The following CD46 variants were observed in gnomAD, a reference collection of about 807,000 sequenced individuals.
CD46 encodes membrane cofactor protein.
CD46 carries 30 observed loss-of-function variants against 53.3 expected under a neutral mutation model. The ratio of observed to expected loss-of-function variants is 0.56; its 90% confidence interval spans 0.42 to 0.76. CD46 has a LOEUF of 0.76. Ranked by LOEUF, CD46 falls within the 30% of genes least tolerant of loss-of-function variation. CD46 has a pLI of 0.00. For synonymous variants in CD46, 142 were observed against 152.0 expected (o/e 0.93, Z 0.48); for missense variants, 409 against 463.0 (o/e 0.88, Z 1.07).
intron 1 of CD46, among the ~76,000 whole-genome samples, chr1:207,753,537 G>A (rs1370830306): frequency 1.3e-5 from 2 of 152,150 alleles, no homozygotes; most frequent in Non-Finnish European, 2.9e-5. Context: ...TGGGCATGGT[G>A]GTTTATGCCC....
At chr1:207,776,532 A>G (rs1220941139) in intron 8 of CD46, among the ~76,000 whole-genome samples, 1 of 152,266 alleles carries the variant, frequency 6.6e-6, no homozygotes, top group Non-Finnish European at 1.5e-5. Flanking sequence ...TTAAAAACTT[A>G]AGACATATCT....
chr1:207,781,567 T>C (rs1437773372), intron 8 of CD46, among the ~76,000 whole-genome samples: 1 of 152,200 alleles, frequency 6.6e-6, no homozygotes, highest in Admixed American at 6.5e-5. Flanking sequence ...TTACCTCTTA[T>C]GTTTAGGTCT....
chr1:207,776,502 T>C (rs1182492216), intron 8 of CD46, among the ~76,000 whole-genome samples: 1 of 152,254 alleles, frequency 6.6e-6, no homozygotes, highest in Non-Finnish European at 1.5e-5. Context: ...AGATTTTTTT[T>C]TACTTAAAAT....
chr1:207,788,384 G>A (rs1184806064), intron 11 of CD46, among the ~76,000 whole-genome samples: 2 of 150,610 alleles, frequency 1.3e-5, no homozygotes, highest in African/African-American at 4.9e-5. Flanking sequence ...AAAAAATAGT[G>A]GCGGGCGCCT....
chr1:207,752,060 C>A lies in CD46; in HGVS notation c.-153C>A. 1.2e-6 allele frequency: 1 copy of A among 813,964 alleles called. No individual in the cohort carries two copies. Among genetic ancestry groups the A allele is most frequent in the Non-Finnish European group, 2.1e-6 (1 of 479,048 alleles). 50.4% of individuals were successfully genotyped at this position (813,964 alleles called of 1,614,324 possible). ...ACGCACTTCCGCCCCGGGCGCGGCT[C>A]GGGCCACGCCCACCTGTCCTGCAGC... is the stretch of plus-strand genomic sequence containing the variant. On this transcript the variant is annotated 5_prime_UTR_variant, in exon 1 of 13. Coordinates refer to ENST00000367042, the MANE Select transcript of CD46 (RefSeq NM_172351.3). This position sits in a 1 kb window ranked among gnomAD's most constrained non-coding sequence, Gnocchi z 4.1.
At chr1:207,759,498 C>A (rs569983832) in intron 3 of CD46, 141 bp from the exon 4 acceptor site, 2 of 604,006 alleles carry the variant, frequency 3.3e-6, no homozygotes, top group Non-Finnish European at 6.0e-6. Flanking sequence ...TTAGCACTTT[C>A]GTTATATAGT....
At chr1:207,757,386 G>T (rs1270519760) in intron 2 of CD46, among the ~76,000 whole-genome samples, 154 bp from the exon 3 acceptor site, 1 of 152,160 alleles carries the variant, frequency 6.6e-6, no homozygotes, top group Non-Finnish European at 1.5e-5. Context: ...GCAATAGATT[G>T]CCTGGGTGAA....
chr1:207,791,164 C>T (rs1659763179), intron 12 of CD46, among the ~76,000 whole-genome samples: 1 of 152,188 alleles, frequency 6.6e-6, no homozygotes, highest in African/African-American at 2.4e-5. Flanking sequence ...TGGGCCTACC[C>T]AGTCCTATAT....
In CD46 at chr1:207,793,685, C is replaced by CTGTGGCTTAGCTAATATTGCAA. The variant is rs1660010478; in HGVS notation, c.*217_*238dup. On this transcript the variant is annotated 3_prime_UTR_variant, in exon 13 of 13. Transcript: ENST00000367042. ...TGTAGTTTCACTCTCATGAGTGCAA[C>CTGTGGCTTAGCTAATATTGCAA]TGTGGCTTAGCTAATATTGCAATGT... 9.7e-7 allele frequency: 1 copy of CTGTGGCTTAGCTAATATTGCAA among 1,027,754 alleles called. No individual in the cohort carries two copies. The highest frequency in any genetic ancestry group is 1.6e-5 in the African/African-American group (1 of 63,684). The allele number at this position is 1,027,754 out of a possible 1,614,324, so 63.7% of individuals were successfully genotyped here.
intron 5 of CD46, among the ~76,000 whole-genome samples, chr1:207,764,114 C>T (rs1313837214): frequency 6.6e-6 from 1 of 152,072 alleles, no homozygotes; most frequent in Non-Finnish European, 1.5e-5. Flanking sequence ...CTTTAGAGAC[C>T]TCAGATCCCC....
Position 207,767,353 on chromosome 1 carries a change from A to T in CD46, c.856+158A>T, listed in dbSNP as rs1368402824. 6.6e-6 allele frequency: 5 copies of T among 757,282 alleles called. No homozygotes were observed. The East Asian group carries it at 8.0e-5, about 12-fold the overall frequency. 46.9% of individuals were successfully genotyped at this position (757,282 alleles called of 1,614,324 possible). On this transcript the variant is annotated intron_variant, in intron 6 of 12. Transcript: ENST00000367042. The stretch of plus-strand genomic sequence containing the variant: ...CTTGTATTCATTTCTATGCCAGATG[A>T]ATGACACGAAATTCACATAAAATTC...
intron 5 of CD46, 39 bp from the exon 6 acceptor site, chr1:207,766,974 C>G (rs1656918940): frequency 6.6e-7 from 1 of 1,525,708 alleles, no homozygotes. Context: ...TCTGCTAAAG[C>G]AGATATCCAT....
At chr1:207,769,093 A>T (rs1486660171) in intron 7 of CD46, 1 of 152,100 alleles carries the variant, frequency 6.6e-6, no homozygotes, top group Admixed American at 6.6e-5. Flanking sequence ...CCCCATCTCT[A>T]CTAAAAATAC....
intron 8 of CD46, among the ~76,000 whole-genome samples, chr1:207,780,203 A>G (rs1391021489): frequency 6.6e-6 from 1 of 151,606 alleles, no homozygotes; most frequent in Non-Finnish European, 1.5e-5. Context: ...GATGATAACC[A>G]CTATCTACTT....
chr1:207,775,737 T>C (rs534499792), intron 8 of CD46, among the ~76,000 whole-genome samples: 1 of 152,312 alleles, frequency 6.6e-6, no homozygotes, highest in African/African-American at 2.4e-5. Flanking sequence ...TCTGGAAGCT[T>C]CGTCCCAGGT....
chr1:207,770,392 G>C (rs926474497), intron 8 of CD46, 30 bp downstream of exon 8: 7 of 1,447,826 alleles, frequency 4.8e-6, no homozygotes, highest in Non-Finnish European at 6.8e-6. Context: ...TACTGATATT[G>C]TTAAGAATTT....
chr1:207,752,409 T>C lies in CD46; in HGVS notation c.97+100T>C. ...GGGGCTCACAGCAGGCCGTGCCTGT[T>C]TGGGGACAGGGTTCTCTGAGGGGTG... On this transcript the variant is annotated intron_variant, in intron 1 of 12. Coordinates refer to ENST00000367042, the MANE Select transcript of CD46 (RefSeq NM_172351.3). The surrounding 1 kb of genome is among the most constrained non-coding windows in gnomAD (Gnocchi z 4.1). 2 of 1,142,554 alleles carry C rather than the reference T, an allele frequency of 1.8e-6. No homozygotes were observed. Among genetic ancestry groups the C allele is most frequent in the South Asian group, 2.4e-5 (2 of 81,708 alleles). 70.8% of individuals were successfully genotyped at this position (1,142,554 alleles called of 1,614,324 possible).
At chr1:207,776,091 C>T (rs75284638) in intron 8 of CD46, among the ~76,000 whole-genome samples, 8 of 152,362 alleles carry the variant, frequency 5.3e-5, no homozygotes, top group South Asian at 2.1e-4. Context: ...AGACATTCCT[C>T]CCCTCATCAG....
chr1:207,771,619 A>G (rs1301748721), intron 8 of CD46, among the ~76,000 whole-genome samples: 1 of 152,184 alleles, frequency 6.6e-6, no homozygotes, highest in Non-Finnish European at 1.5e-5. Context: ...ACATACGGCT[A>G]GTCAGTTTTC....
Sources: gnomAD v4.1 joint callset for allele counts (sites outside exome capture counted in the v4.1 genomes callset) on GRCh38, gnomAD v4.1.1 for gene constraint, Gnocchi (gnomAD v3.1) non-coding constraint, MANE v1.5 for transcripts, NCBI Gene and HGNC (gene_info 2026-07-23, HGNC 2026-07-21) for gene names.